Variants in SPIDR observed in about 807,000 individuals in gnomAD.
The protein encoded by SPIDR is DNA repair-scaffolding protein.
Under a neutral mutation model 104.6 loss-of-function variants are expected in SPIDR, and 93 were observed. The observed-to-expected ratio is 0.89, with a 90% confidence interval of 0.75 to 1.06. SPIDR has a LOEUF of 1.06. Among genes scored for constraint, SPIDR ranks in the 50% least tolerant of loss-of-function variants. The probability of loss-of-function intolerance (pLI) is 0.00; values close to 1 mark genes in which losing one functional copy is unlikely to be tolerated. For missense variants in SPIDR, 1,154 were observed against 1,111.2 expected (o/e 1.04, Z -0.55); for synonymous variants, 431 against 416.9 (o/e 1.03, Z -0.41).
chr8:47,589,478 T>A (rs906772922), intron 8 of SPIDR, among the ~76,000 whole-genome samples: 11 of 150,590 alleles, frequency 7.3e-5, no homozygotes, highest in Non-Finnish European at 1.0e-4. Context: ...TGAACCGAGA[T>A]CACACCACTG....
intron 8 of SPIDR, among the ~76,000 whole-genome samples, chr8:47,495,507 G>C (rs538931509): frequency 6.6e-6 from 1 of 151,836 alleles, no homozygotes; most frequent in Non-Finnish European, 1.5e-5. Flanking sequence ...TCATTACCCC[G>C]AATAGAAACC....
rs1188910814 is a variant in SPIDR, at chr8:47,298,885, C to T, written c.525+4855C>T. 7.9e-3 allele frequency among the ~76,000 whole-genome samples: 1,195 copies of T among 151,940 alleles called. 10 individuals are homozygous for T. Among genetic ancestry groups the T allele is most frequent in the Non-Finnish European group, 0.012 (806 of 67,926 alleles). Reference sequence around the variant, plus strand: ...TGTAGTATAGTTTGAAGTCAGGTAGCGTGATGCCTCCAGCTTTGTTCTTAT... The same window carrying T: ...TGTAGTATAGTTTGAAGTCAGGTAGTGTGATGCCTCCAGCTTTGTTCTTAT... On this transcript the variant is annotated intron_variant, in intron 5 of 19. Coordinates refer to ENST00000297423, the MANE Select transcript of SPIDR (RefSeq NM_001080394.4).
intron 5 of SPIDR, among the ~76,000 whole-genome samples, chr8:47,316,846 AAG>A (rs1172317595): frequency 1.3e-5 from 2 of 152,228 alleles, no homozygotes; most frequent in East Asian, 3.8e-4. Flanking sequence ...CTACTGAAAA[AAG>A]TAAATACATA....
At chr8:47,710,204 G>A (rs1262523231) in intron 14 of SPIDR, among the ~76,000 whole-genome samples, 1 of 152,136 alleles carries the variant, frequency 6.6e-6, no homozygotes, top group Non-Finnish European at 1.5e-5. Flanking sequence ...TAGCAGTGTA[G>A]TGGTAGTACT....
intron 5 of SPIDR, among the ~76,000 whole-genome samples, chr8:47,374,151 T>C (rs1248408962): frequency 1.3e-5 from 2 of 152,232 alleles, no homozygotes; most frequent in Non-Finnish European, 2.9e-5. Context: ...CAAAAGGGAT[T>C]TTAGAAGAAA....
intron 8 of SPIDR, among the ~76,000 whole-genome samples, chr8:47,580,450 A>G (rs1451434141): frequency 6.6e-6 from 1 of 152,078 alleles, no homozygotes; most frequent in African/African-American, 2.4e-5. Flanking sequence ...GCTTACATCT[A>G]CTCTGAATGC....
chr8:47,504,600 G>C (rs1407917385), intron 8 of SPIDR, among the ~76,000 whole-genome samples: 1 of 152,136 alleles, frequency 6.6e-6, no homozygotes, highest in Non-Finnish European at 1.5e-5. Flanking sequence ...TTAGCTCGGA[G>C]TAGTTTGATC....
intron 15 of SPIDR, 165 bp downstream of exon 15, chr8:47,713,037 C>G (rs2082096925): frequency 2.2e-6 from 3 of 1,390,094 alleles, no homozygotes; most frequent in Non-Finnish European, 2.8e-6. Context: ...TTCACTGACC[C>G]TGTAGCAGCC....
At chr8:47,386,872 C>T (rs73676335) in intron 5 of SPIDR, among the ~76,000 whole-genome samples, 13 of 118,220 alleles carry the variant, frequency 1.1e-4, no homozygotes, top group African/African-American at 3.9e-4. Flanking sequence ...AGTGGGGGGA[C>T]GAGGGGAGAG....
intron 8 of SPIDR, among the ~76,000 whole-genome samples, chr8:47,491,360 G>GA (rs547383157): frequency 6.6e-6 from 1 of 151,366 alleles, no homozygotes; most frequent in Non-Finnish European, 1.5e-5. Context: ...TTATTTAAAA[G>GA]AAAAAAAGAA....
At chr8:47,563,904 A>C (rs2057407449) in intron 8 of SPIDR, among the ~76,000 whole-genome samples, 1 of 152,156 alleles carries the variant, frequency 6.6e-6, no homozygotes, top group African/African-American at 2.4e-5. Flanking sequence ...ATATCTGACC[A>C]GTCTTTCAGC....
intron 10 of SPIDR, among the ~76,000 whole-genome samples, chr8:47,661,764 A>C (rs1432432333): frequency 6.6e-6 from 1 of 152,206 alleles, no homozygotes; most frequent in African/African-American, 2.4e-5. Context: ...AACGTTCCTT[A>C]AACAAAAATA....
chr8:47,455,756 G>A (rs1344521529), intron 8 of SPIDR, among the ~76,000 whole-genome samples: 1 of 152,096 alleles, frequency 6.6e-6, no homozygotes, highest in African/African-American at 2.4e-5. Flanking sequence ...GTTTACAAGG[G>A]ATGCAGAGGA....
At chr8:47,394,594 G>A (rs556579896) in intron 5 of SPIDR, among the ~76,000 whole-genome samples, 61 of 152,256 alleles carry the variant, frequency 4.0e-4, no homozygotes, top group Non-Finnish European at 6.8e-4. Flanking sequence ...CACACACGTC[G>A]GCCCACCTCA....
chr8:47,627,424 C>T (rs1031625427), intron 10 of SPIDR, among the ~76,000 whole-genome samples: 12 of 151,750 alleles, frequency 7.9e-5, no homozygotes, highest in South Asian at 2.1e-4. Context: ...AATGATTTAC[C>T]GCTAGTAGGA....
intron 5 of SPIDR, among the ~76,000 whole-genome samples, chr8:47,349,355 G>A (rs564706662): frequency 7.6e-4 from 115 of 152,288 alleles, no homozygotes; most frequent in African/African-American, 2.1e-3. Context: ...TCTCAGAGGG[G>A]CACCCGGCTG....
At chr8:47,420,425 C>G (rs940270375) in intron 7 of SPIDR, among the ~76,000 whole-genome samples, 3 of 152,126 alleles carry the variant, frequency 2.0e-5, no homozygotes, top group Non-Finnish European at 2.9e-5. Flanking sequence ...TTATCAGAGA[C>G]TAGGATTGCA....
chr8:47,400,694 T>TTA (rs1375302784), intron 6 of SPIDR, among the ~76,000 whole-genome samples: 6 of 131,350 alleles, frequency 4.6e-5, no homozygotes, highest in African/African-American at 1.5e-4. Flanking sequence ...TTTTTTTTTT[T>TTA]AAATTTGTGG....
In SPIDR at chr8:47,656,719, G is replaced by C. The variant is rs2072892194; in HGVS notation, c.1545-17082G>C. ...TGTAACTTCTACAGAGTCACTCCAT[G>C]GCAACATTACTCACAATGCAAAAAT... On this transcript the variant is annotated intron_variant, in intron 10 of 19. Transcript: ENST00000297423. Among the ~76,000 whole-genome samples, 3 of 152,206 alleles carry C rather than the reference G, an allele frequency of 2.0e-5. No homozygotes were observed. In the South Asian group the frequency reaches 6.2e-4, roughly 32 times the overall value.
Sources: gnomAD v4.1 joint callset for allele counts (sites outside exome capture counted in the v4.1 genomes callset) on GRCh38, gnomAD v4.1.1 for gene constraint, MANE v1.5 for transcripts, NCBI Gene and HGNC (gene_info 2026-07-23, HGNC 2026-07-21) for gene names.